Variants in RHOC observed in about 807,000 individuals in gnomAD.
RHOC encodes the protein rho-related GTP-binding protein RhoC.
A neutral mutation model predicts 19.5 loss-of-function variants in RHOC; 13 were observed. That is an observed-to-expected ratio of 0.67 (90% CI 0.43 to 1.06). The LOEUF is 1.06. Ranked by LOEUF, RHOC falls within the 50% of genes least tolerant of loss-of-function variation. The pLI is 0.00. For missense variants in RHOC, 173 were observed against 256.9 expected, an observed-to-expected ratio of 0.67 and a Z score of 2.23; for synonymous variants, 106 against 97.3, an observed-to-expected ratio of 1.09 and a Z score of -0.52.
chr1:112,702,298 C>G (rs533600827), intron 5 of RHOC, among the ~76,000 whole-genome samples: 7 of 152,290 alleles, frequency 4.6e-5, no homozygotes, highest in Admixed American at 3.3e-4. Context: ...TCCCCGAGGG[C>G]AGATTTTCTT....
intron 1 of RHOC, among the ~76,000 whole-genome samples, chr1:112,706,442 CACACACACACACACACACACACCACACA>C (rs1674852248): frequency 2.3e-5 from 1 of 43,538 alleles, no homozygotes; most frequent in African/African-American, 7.2e-5. Flanking sequence ...CACACACACA[CACACACACACACACACACACACCACACA>C]CACACACACA....
At position 112,703,788 on chromosome 1, in the gene RHOC, G is replaced by A. The variant is rs1289519896; in HGVS notation, c.12C>T (p.Ile4=). Residue 4 remains isoleucine (I), a synonymous_variant, in exon 3 of 6, where the codon ATC becomes ATT. Transcript: ENST00000339083. ...CCCCAACGATCACCAGCTTCTTTCG[G>A]ATTGCAGCCATGGTGGGGCTGCCAG... MAA[I]RKKLVIVGDG... is the part of the protein sequence containing the mutation. 1 of 1,611,380 alleles carries A rather than the reference G, an allele frequency of 6.2e-7. No homozygotes were observed. The highest frequency in any genetic ancestry group is 8.5e-7 in the Non-Finnish European group (1 of 1,179,124).
intron 1 of RHOC, chr1:112,706,006 A>C: frequency 4.0e-6 from 1 of 252,800 alleles, no homozygotes; most frequent in Non-Finnish European, 8.1e-6. Context: ...AGCCCAGGCC[A>C]GGACACTAGG....
intron 1 of RHOC, chr1:112,705,808 GTGAAAGC>G: frequency 2.6e-6 from 1 of 385,100 alleles, no homozygotes; most frequent in Non-Finnish European, 5.3e-6. Context: ...CACTACTGGG[GTGAAAGC>G]CAGTCACTTA....
chr1:112,706,484 A>ACCACACACACACACACACACCCCCACAC (rs1557780746), intron 1 of RHOC, among the ~76,000 whole-genome samples: 310 of 15,416 alleles, frequency 0.02, 26 homozygotes, highest in Middle Eastern at 0.083. Flanking sequence ...ACACACACAC[A>ACCACACACACACACACACACCCCCACAC]CACACACACA....
chr1:112,701,672 C>T lies in RHOC; in HGVS notation c.450G>A (p.Arg150=), dbSNP rs746011071. ...ACTCAAGGTAGCCAAAGGCACTGAT[C>T]CGGTTCGCCATGTCCCGGCCTTCCT... is the stretch of plus-strand genomic sequence containing the variant. ...RSEEGRDMAN[R]ISAFGYLECS... is the part of the protein sequence containing the mutation. The change falls in exon 6 of 6, where the codon CGG becomes CGA. Residue 150 remains arginine (R), a synonymous_variant. Coordinates refer to ENST00000339083, the MANE Select transcript of RHOC (RefSeq NM_175744.5). The T allele has an allele frequency of 2.8e-5, 45 of 1,613,938 alleles. No individual in the cohort carries two copies. The highest frequency in any genetic ancestry group is 3.6e-5 in the Non-Finnish European group (42 of 1,180,020).
chr1:112,703,316 T>C, intron 3 of RHOC, 197 bp from the exon 4 acceptor site: 1 of 723,768 alleles, frequency 1.4e-6, no homozygotes, highest in South Asian at 1.6e-5. Flanking sequence ...TGTTTGACCC[T>C]TGAGTTGCCA....
upstream of RHOC, chr1:112,707,226 C>A (rs1321102101): frequency 6.6e-6 from 1 of 150,692 alleles, no homozygotes. Context: ...GCTCGGCCCG[C>A]CCCGGCCCCG....
Position 112,703,697 on chromosome 1 carries a change from C to G in RHOC, c.103G>C (p.Val35Leu). ...FSKDQFPEVY[V>L]PTVFENYIAD... Reference sequence around the variant, plus strand: ...ATATAGTTCTCAAAGACAGTAGGGACGTAGACCTCCGGAAACTGATCCTTG... The same window carrying G: ...ATATAGTTCTCAAAGACAGTAGGGAGGTAGACCTCCGGAAACTGATCCTTG... The change falls in exon 3 of 6, where the codon GTC (valine) becomes CTC (leucine). Residue 35 changes from valine (V) to leucine (L), a missense_variant. Val to Leu is a conservative substitution (Grantham distance 32). Coordinates refer to ENST00000339083, the MANE Select transcript of RHOC (RefSeq NM_175744.5). The G allele has an allele frequency of 6.2e-7, 1 of 1,613,554 alleles. No individual in the cohort carries two copies. The highest frequency in any genetic ancestry group is 8.5e-7 in the Non-Finnish European group (1 of 1,179,862).
At chr1:112,702,464 A>G (rs986438709) in intron 5 of RHOC, 99 bp downstream of exon 5, 31 of 1,326,112 alleles carry the variant, frequency 2.3e-5, no homozygotes, top group Non-Finnish European at 3.2e-5. Flanking sequence ...GTTTCCCCTA[A>G]CACACGGCAG....
Position 112,703,051 on chromosome 1 carries a change from C to A in RHOC, c.225G>T (p.Pro75=), listed in dbSNP as rs764236081. The A allele has an allele frequency of 9.3e-6, 15 of 1,614,136 alleles. No individual in the cohort carries two copies. The highest frequency in any genetic ancestry group is 1.3e-5 in the Non-Finnish European group (15 of 1,180,024). Residue 75 remains proline, a synonymous_variant, in exon 4 of 6, where the codon CCG becomes CCT. Coordinates refer to ENST00000339083, the MANE Select transcript of RHOC (RefSeq NM_175744.5). ...AGCACATGAGGATGACATCAGTGTC[C>A]GGGTAGGAGAGAGGCCGCAGTCGAT... ...DYDRLRPLSY[P]DTDVILMCFS...
rs1557777322 is a variant in RHOC at position 112,701,502 on chromosome 1, G to C, written c.*38C>G. 3 of 1,614,050 alleles carry C rather than the reference G, an allele frequency of 1.9e-6. No homozygotes were observed. Among genetic ancestry groups the C allele is most frequent in the Non-Finnish European group, 2.5e-6 (3 of 1,179,932 alleles). On this transcript the variant is annotated 3_prime_UTR_variant, in exon 6 of 6. Coordinates refer to ENST00000339083, the MANE Select transcript of RHOC (RefSeq NM_175744.5). ...GTAGGGGGATAATTTCTGTACCCCT[G>C]TGAAGGGAGGGGGCATGTAGGAAAG...
chr1:112,703,405 G>A (rs1022064100), intron 3 of RHOC: 1 of 716,098 alleles, frequency 1.4e-6, no homozygotes, highest in Non-Finnish European at 2.5e-6. Flanking sequence ...TTTTGCAGGT[G>A]GGGGAGCTTA....
Position 112,703,809 on chromosome 1 carries a change from G to C in RHOC, c.-7-3C>G, listed in dbSNP as rs202032648. On this transcript the variant is annotated splice_polypyrimidine_tract_variant and splice_region_variant and intron_variant, in intron 2 of 5. Coordinates refer to ENST00000339083, the MANE Select transcript of RHOC (RefSeq NM_175744.5). Reference sequence around the variant, plus strand: ...TTCGGATTGCAGCCATGGTGGGGCTGCCAGGAAAGACGTATTGGGGATTTG... The same window carrying C: ...TTCGGATTGCAGCCATGGTGGGGCTCCCAGGAAAGACGTATTGGGGATTTG... 2 of 1,607,456 alleles carry C rather than the reference G, an allele frequency of 1.2e-6. No individual in the cohort carries two copies. Among genetic ancestry groups the C allele is most frequent in the Admixed American group, 1.7e-5 (1 of 58,966 alleles).
chr1:112,702,446 A>G, intron 5 of RHOC, 117 bp downstream of exon 5: 5 of 1,105,128 alleles, frequency 4.5e-6, no homozygotes, highest in African/African-American at 1.6e-5. Flanking sequence ...TCACCAGGAG[A>G]TATTACTGTT....
In RHOC at chr1:112,701,555, G is replaced by GC; in HGVS notation, c.566dup (p.Cys190LeufsTer135). 5.6e-6 allele frequency: 9 copies of GC among 1,614,124 alleles called. No homozygotes were observed. Among genetic ancestry groups the GC allele is most frequent in the Non-Finnish European group, 7.6e-6 (9 of 1,179,984 alleles). On this transcript the variant is annotated frameshift_variant, in exon 6 of 6. Coordinates refer to ENST00000339083, the MANE Select transcript of RHOC (RefSeq NM_175744.5). LOFTEE classifies it high-confidence loss of function. ...CTTGGGGATCTCAGAGAATGGGACA[G>GC]CCCCTCCGACGCTTGTTCTTGCGGA...
chr1:112,705,503 G>T, intron 1 of RHOC: 1 of 528,516 alleles, frequency 1.9e-6, no homozygotes, highest in Non-Finnish European at 3.7e-6. Context: ...TTGTGGACAT[G>T]AGTCAGAGAA....
intron 1 of RHOC, 46 bp from the exon 2 acceptor site, chr1:112,705,214 C>G (rs746383772): frequency 2.1e-4 from 145 of 701,650 alleles, no homozygotes; most frequent in Non-Finnish European, 3.4e-5. Flanking sequence ...GGGAGGAGCC[C>G]CAAAAGAAGA....
chr1:112,705,919 T>TGC (rs898804707), intron 1 of RHOC: 2 of 337,420 alleles, frequency 5.9e-6, no homozygotes, highest in African/African-American at 4.3e-5. Flanking sequence ...GGTTGAGGCA[T>TGC]GCGTTAAGGG....
Sources: allele counts gnomAD v4.1 joint callset (sites outside exome capture counted in the v4.1 genomes callset), GRCh38; gene constraint gnomAD v4.1.1; transcripts MANE v1.5; gene names NCBI Gene and HGNC (gene_info 2026-07-23, HGNC 2026-07-21).